CENPH: variants seen among roughly 807,000 people sequenced by gnomAD.
The protein encoded by CENPH is centromere protein H, also known as CENP-H.
In CENPH, 40 loss-of-function variants were observed where a neutral mutation model predicts 42.9. The ratio of observed to expected loss-of-function variants is 0.93; its 90% confidence interval spans 0.72 to 1.21. CENPH has a LOEUF of 1.21. CENPH is among the 50% of genes most tolerant of loss of function. The pLI, the probability that CENPH is intolerant of heterozygous loss-of-function variation, is 0.00. For missense variants in CENPH, 302 were observed against 292.9 expected (o/e 1.03, Z -0.23); for synonymous variants, 88 against 96.5 (o/e 0.91, Z 0.52).
At chr5:69,191,410 C>T (rs1226423569) in intron 1 of CENPH, among the ~76,000 whole-genome samples, 1 of 152,034 alleles carries the variant, frequency 6.6e-6, no homozygotes, top group Non-Finnish European at 1.5e-5. Flanking sequence ...TGCTTGGGAG[C>T]CTGAGGCAGG....
chr5:69,203,692 G>A (rs1748094527), intron 7 of CENPH, among the ~76,000 whole-genome samples: 1 of 151,818 alleles, frequency 6.6e-6, no homozygotes, highest in Non-Finnish European at 1.5e-5. Context: ...TAGTAGGGAC[G>A]GGATTTCACC....
At chr5:69,203,755 G>A (rs1447859553) in intron 7 of CENPH, among the ~76,000 whole-genome samples, 2 of 151,764 alleles carry the variant, frequency 1.3e-5, no homozygotes, top group Non-Finnish European at 2.9e-5. Flanking sequence ...CGTCTGCCTT[G>A]GCCTCCCAAA....
In CENPH at chr5:69,208,180, A is replaced by AT; in HGVS notation, c.488-11dup. 2.2e-6 allele frequency: 3 copies of AT among 1,386,938 alleles called. No individual in the cohort carries two copies. Among genetic ancestry groups the AT allele is most frequent in the Non-Finnish European group, 3.0e-6 (3 of 989,266 alleles). The allele number at this position is 1,386,938 out of a possible 1,614,324, so 85.9% of individuals were successfully genotyped here. A position where few individuals can be genotyped will look rare whatever the true frequency, so the allele number is the denominator to read the frequency against. ...GGTATTATATATGGTATATTATTTT[A>AT]TTTTTAACCTAACAGAATTAAAACA... On this transcript the variant is annotated splice_polypyrimidine_tract_variant and intron_variant, in intron 7 of 8. Transcript: ENST00000283006.
Position 69,197,108 on chromosome 5 carries a change from A to G in CENPH, c.370A>G (p.Ser124Gly). ...CCTGGAGAAAATTAGCAGACAGTCTAGGTATGATTTTTTTTTTCTCTGGAT... is the reference window on the plus strand; with the variant it reads ...CCTGGAGAAAATTAGCAGACAGTCTGGGTATGATTTTTTTTTTCTCTGGAT... ...KNLEKISRQS[S>G]VLMDNMKHLL... Residue 124 changes from serine to glycine, a missense_variant and splice_region_variant, in exon 5 of 9, where the codon AGT becomes GGT. By Grantham distance (56) the Ser-to-Gly change is moderately conservative. Transcript: ENST00000283006. 6.4e-7 allele frequency: 1 copy of G among 1,564,298 alleles called. No homozygotes were observed. Among genetic ancestry groups the G allele is most frequent in the South Asian group, 1.2e-5 (1 of 81,808 alleles).
intron 5 of CENPH, among the ~76,000 whole-genome samples, chr5:69,197,872 T>A (rs1338888258): frequency 1.4e-5 from 2 of 147,736 alleles, no homozygotes; most frequent in African/African-American, 4.9e-5. Context: ...GGTCAGGTCC[T>A]CTGTATCCTG....
chr5:69,204,952 T>G (rs1412791441), intron 7 of CENPH, among the ~76,000 whole-genome samples: 1 of 140,040 alleles, frequency 7.1e-6, no homozygotes, highest in Non-Finnish European at 1.5e-5. Flanking sequence ...GGAGTCTCCC[T>G]CTGTCGCCCA....
At chr5:69,199,617 T>C (rs1436803332) in intron 5 of CENPH, among the ~76,000 whole-genome samples, 1 of 152,176 alleles carries the variant, frequency 6.6e-6, no homozygotes, top group Admixed American at 6.6e-5. Context: ...TCTTATTGTC[T>C]AGAGGGTGTG....
At chr5:69,200,717 A>ATTTTTTTTTTTTTTTTTTTTTTTTTTTT (rs1554058445) in intron 5 of CENPH, among the ~76,000 whole-genome samples, 1 of 40,976 alleles carries the variant, frequency 2.4e-5, no homozygotes, top group Non-Finnish European at 5.8e-5. Context: ...GAATCAGCGT[A>ATTTTTTTTTTTTTTTTTTTTTTTTTTTT]TCTTTTTTTT....
chr5:69,196,989 A>C, intron 4 of CENPH, 64 bp from the exon 5 acceptor site: 3 of 1,050,648 alleles, frequency 2.9e-6, no homozygotes, highest in Admixed American at 5.4e-5. Flanking sequence ...TCATGTTTTG[A>C]ATTTTTTTAA....
rs748975057 is a variant in CENPH at position 69,208,375 on chromosome 5, A to C, written c.651+16A>C. 6.5e-7 allele frequency: 1 copy of C among 1,530,826 alleles called. No individual in the cohort carries two copies. The highest frequency in any genetic ancestry group is 9.0e-7 in the Non-Finnish European group (1 of 1,114,930). 94.8% of individuals were successfully genotyped at this position (1,530,826 alleles called of 1,614,324 possible). On this transcript the variant is annotated intron_variant, in intron 8 of 8. Coordinates refer to ENST00000283006, the MANE Select transcript of CENPH (RefSeq NM_022909.4). The stretch of plus-strand genomic sequence containing the variant: ...TGTGTTCCAGGTAACATTTATATAA[A>C]CTAGCAAGAGTTTTAATCTTGTTGC...
chr5:69,191,478 C>T (rs1747870857), intron 1 of CENPH, among the ~76,000 whole-genome samples: 1 of 152,170 alleles, frequency 6.6e-6, no homozygotes, highest in Non-Finnish European at 1.5e-5. Context: ...CGCCACTGCA[C>T]TCCAGCCTGG....
intron 5 of CENPH, among the ~76,000 whole-genome samples, chr5:69,197,885 G>A (rs918739183): frequency 1.4e-5 from 2 of 143,408 alleles, no homozygotes; most frequent in Admixed American, 7.0e-5. Flanking sequence ...GTATCCTGGT[G>A]TCTGGCCTCA....
rs5868571 is a variant in CENPH at position 69,195,653 on chromosome 5, AT to A, written c.240-61del. ...ACTTTTTTAAGGGCTTATTTTATAC[AT>A]TTATTTCAATAATGTCTTTTTCTGA... On this transcript the variant is annotated intron_variant, in intron 3 of 8. Transcript: ENST00000283006. The A allele has an allele frequency of 9.6e-3, 9,037 of 945,236 alleles. 599 individuals are homozygous for A. In the African/African-American group the frequency reaches 0.13, roughly 14 times the overall value. 58.6% of individuals were successfully genotyped at this position (945,236 alleles called of 1,614,324 possible).
rs1234069212 is a variant in CENPH at position 69,202,493 on chromosome 5, G to A, written c.372-13G>A. 5.5e-6 allele frequency: 8 copies of A among 1,448,436 alleles called. No individual in the cohort carries two copies. Among genetic ancestry groups the A allele is most frequent in the Non-Finnish European group, 6.7e-6 (7 of 1,048,254 alleles). 89.7% of individuals were successfully genotyped at this position (1,448,436 alleles called of 1,614,324 possible). A position where few individuals can be genotyped will look rare whatever the true frequency, so the allele number is the denominator to read the frequency against. On this transcript the variant is annotated splice_polypyrimidine_tract_variant and intron_variant, in intron 5 of 8. Coordinates refer to ENST00000283006, the MANE Select transcript of CENPH (RefSeq NM_022909.4). Reference sequence around the variant, plus strand: ...AATAACCTTAATAAATCATCTTTTTGTTTCCTTTTCAGTGTGCTCATGGAT... The same window carrying A: ...AATAACCTTAATAAATCATCTTTTTATTTCCTTTTCAGTGTGCTCATGGAT...
chr5:69,208,872 AT>A (rs1748202801), intron 8 of CENPH, among the ~76,000 whole-genome samples: 1 of 150,918 alleles, frequency 6.6e-6, no homozygotes, highest in Admixed American at 6.6e-5. Context: ...ATCTCGGTCC[AT>A]TGCAACCTCC....
At chr5:69,200,301 A>C (rs1330881895) in intron 5 of CENPH, among the ~76,000 whole-genome samples, 2 of 152,118 alleles carry the variant, frequency 1.3e-5, no homozygotes, top group Non-Finnish European at 2.9e-5. Flanking sequence ...TAAACAGTAA[A>C]ATGGAACTTA....
At chr5:69,195,818 A>T in intron 4 of CENPH, 27 bp downstream of exon 4, 1 of 1,156,292 alleles carries the variant, frequency 8.6e-7, no homozygotes, top group South Asian at 1.3e-5. Flanking sequence ...AAATATAAGC[A>T]TTGTGAACTG....
Position 69,209,730 on chromosome 5 carries a change from C to T in CENPH, c.675C>T (p.Val225=). ...AGAACCTTATTTTGGGGAGTAAAGT[C>T]AATTGGGCAGAGGATCCTGCCCTTA... ...VFQNLILGSK[V]NWAEDPALKE... The change falls in exon 9 of 9, where the codon GTC becomes GTT. Residue 225 remains valine, a synonymous_variant. Transcript: ENST00000283006. 6.2e-7 allele frequency: 1 copy of T among 1,601,262 alleles called. No homozygotes were observed. The highest frequency in any genetic ancestry group is 8.5e-7 in the Non-Finnish European group (1 of 1,171,262).
intron 5 of CENPH, among the ~76,000 whole-genome samples, chr5:69,197,818 TA>T (rs1162966333): frequency 2.0e-5 from 3 of 146,398 alleles, no homozygotes; most frequent in Non-Finnish European, 4.5e-5. Flanking sequence ...TAAAATTTTT[TA>T]AAAAATAAAA....
Sources: gnomAD v4.1 joint callset for allele counts (sites outside exome capture counted in the v4.1 genomes callset) on GRCh38, gnomAD v4.1.1 for gene constraint, MANE v1.5 for transcripts, NCBI Gene and HGNC (gene_info 2026-07-23, HGNC 2026-07-21) for gene names.